MACROD2: variants seen among roughly 807,000 people sequenced by gnomAD.
The protein encoded by MACROD2 is mono-ADP ribosylhydrolase 2.
Under a neutral mutation model 70.4 loss-of-function variants are expected in MACROD2, and 36 were observed. The ratio of observed to expected loss-of-function variants is 0.51; its 90% confidence interval spans 0.39 to 0.68. MACROD2 has a LOEUF of 0.68. Ranked by LOEUF, MACROD2 falls within the 30% of genes least tolerant of loss-of-function variation. The probability of loss-of-function intolerance (pLI) is 0.00; values close to 1 mark genes in which losing one functional copy is unlikely to be tolerated. For missense variants in MACROD2, 496 were observed against 538.4 expected (o/e 0.92, Z 0.78); for synonymous variants, 172 against 178.8 (o/e 0.96, Z 0.30).
At chr20:15,868,074 G>T (rs905933693) in intron 9 of MACROD2, among the ~76,000 whole-genome samples, 2 of 152,192 alleles carry the variant, frequency 1.3e-5, no homozygotes, top group African/African-American at 4.8e-5. Flanking sequence ...AGCCTTAAAT[G>T]GCAATAGTGC....
chr20:15,366,435 TAAAGA>T (rs1485914019), intron 6 of MACROD2, among the ~76,000 whole-genome samples: 1 of 152,240 alleles, frequency 6.6e-6, no homozygotes, highest in Non-Finnish European at 1.5e-5. Context: ...CACATCTTTT[TAAAGA>T]AAAGAAATCA....
chr20:15,726,560 A>G (rs574587126), intron 8 of MACROD2, among the ~76,000 whole-genome samples: 1 of 152,136 alleles, frequency 6.6e-6, no homozygotes, highest in East Asian at 1.9e-4. Flanking sequence ...GTGTATAAGC[A>G]TTCTCTTTTT....
At chr20:14,185,784 G>T (rs1601325088) in intron 3 of MACROD2, among the ~76,000 whole-genome samples, 3 of 152,096 alleles carry the variant, frequency 2.0e-5, no homozygotes, top group Non-Finnish European at 4.4e-5. Flanking sequence ...CTTTGTAAAT[G>T]ATAACAATAA....
At chr20:15,560,064 C>T (rs2048220904) in intron 8 of MACROD2, among the ~76,000 whole-genome samples, 1 of 152,204 alleles carries the variant, frequency 6.6e-6, no homozygotes, top group African/African-American at 2.4e-5. Context: ...TCACTTTCTG[C>T]CTCAAATCTC....
rs1293101465 is a variant in MACROD2 at position 15,066,472 on chromosome 20, C to A, written c.419-163468C>A. On this transcript the variant is annotated intron_variant, in intron 5 of 17. Transcript: ENST00000684519. ...GCTTAAGACCTAAGCTCAGAATAGGCCCAATGTTACTGTTGCCTACATTCG... is the reference window on the plus strand; with the variant it reads ...GCTTAAGACCTAAGCTCAGAATAGGACCAATGTTACTGTTGCCTACATTCG... 4.6e-5 allele frequency among the ~76,000 whole-genome samples: 7 copies of A among 152,012 alleles called. No homozygotes were observed. The East Asian group carries it at 1.4e-3, about 29-fold the overall frequency.
At chr20:15,137,229 A>G (rs1447694667) in intron 5 of MACROD2, among the ~76,000 whole-genome samples, 3 of 151,672 alleles carry the variant, frequency 2.0e-5, no homozygotes, top group Admixed American at 6.6e-5. Flanking sequence ...AAAGGACTGT[A>G]AATCATGCTG....
chr20:14,816,186 G>A (rs975050746), intron 5 of MACROD2, among the ~76,000 whole-genome samples: 1 of 151,952 alleles, frequency 6.6e-6, no homozygotes, highest in Non-Finnish European at 1.5e-5. Flanking sequence ...GTTTGTTGCG[G>A]GGCAGAGGGA....
intron 5 of MACROD2, among the ~76,000 whole-genome samples, chr20:14,829,108 C>T (rs1201446828): frequency 6.6e-6 from 1 of 151,176 alleles, no homozygotes; most frequent in Non-Finnish European, 1.5e-5. Flanking sequence ...CTCCCCCGCC[C>T]CACAGTGTGT....
intron 8 of MACROD2, among the ~76,000 whole-genome samples, chr20:15,759,145 C>CAAAAAAAAAAAAA (rs57212358): frequency 1.7e-5 from 1 of 58,924 alleles, no homozygotes; most frequent in African/African-American, 6.9e-5. Context: ...GACTCCATCT[C>CAAAAAAAAAAAAA]AAAAAAAAAA....
chr20:15,360,828 G>A (rs6034162), intron 6 of MACROD2, among the ~76,000 whole-genome samples: 101,620 of 151,232 alleles, frequency 0.67, 34,761 homozygotes, highest in African/African-American at 0.81. Context: ...TTTTTTTTTC[G>A]TGTGTTTAAT....
rs762105732 is a variant in MACROD2 at position 15,343,748 on chromosome 20, T to C, written c.541-87657T>C. On this transcript the variant is annotated intron_variant, in intron 6 of 17. Transcript: ENST00000684519. The stretch of plus-strand genomic sequence containing the variant: ...TCATCCTTCCTAAAAGGACCTGAGA[T>C]TTTTATTCAAAGATTCCAGAATACC... 6.4e-4 allele frequency among the ~76,000 whole-genome samples: 98 copies of C among 152,206 alleles called. 1 individual carries two copies. The highest frequency in any genetic ancestry group is 1.1e-3 in the Non-Finnish European group (78 of 68,042).
intron 6 of MACROD2, among the ~76,000 whole-genome samples, chr20:15,379,928 C>CA (rs2045617971): frequency 6.6e-6 from 1 of 151,874 alleles, no homozygotes; most frequent in Admixed American, 6.5e-5. Context: ...TATTGTGAAC[C>CA]TAACTTTCTG....
intron 3 of MACROD2, among the ~76,000 whole-genome samples, chr20:14,122,571 G>A (rs2148693346): frequency 6.6e-6 from 1 of 152,224 alleles, no homozygotes; most frequent in East Asian, 1.9e-4. Context: ...TCCCAAGGAG[G>A]ATCTGATTAA....
intron 4 of MACROD2, among the ~76,000 whole-genome samples, chr20:14,634,212 A>T (rs992773228): frequency 3.3e-5 from 5 of 152,122 alleles, no homozygotes; most frequent in Non-Finnish European, 4.4e-5. Flanking sequence ...TCCCTCTCTC[A>T]TTTCTAAGTA....
chr20:15,050,533 CTTTTTTTT>C (rs386393390), intron 5 of MACROD2, among the ~76,000 whole-genome samples: 33 of 77,896 alleles, frequency 4.2e-4, no homozygotes, highest in East Asian at 2.8e-3. Flanking sequence ...CTATTTAGGT[CTTTTTTTT>C]TTTTTTTTTT....
chr20:14,604,821 T>A (rs1372722123), intron 4 of MACROD2, among the ~76,000 whole-genome samples: 1 of 152,162 alleles, frequency 6.6e-6, no homozygotes, highest in Non-Finnish European at 1.5e-5. Flanking sequence ...TCTCGCTTCT[T>A]CAAGGAAGAA....
intron 8 of MACROD2, among the ~76,000 whole-genome samples, chr20:15,614,771 T>C (rs1475545822): frequency 1.3e-5 from 2 of 152,152 alleles, no homozygotes; most frequent in Admixed American, 1.3e-4. Context: ...ATACTCTTGG[T>C]TTTGATAACA....
chr20:15,664,923 A>G (rs529162133), intron 8 of MACROD2, among the ~76,000 whole-genome samples: 12 of 152,262 alleles, frequency 7.9e-5, no homozygotes, highest in Middle Eastern at 3.4e-3. Context: ...AGTGGTGAAT[A>G]ATTGCTGGGC....
At chr20:15,053,956 G>T (rs2075463029) in intron 5 of MACROD2, among the ~76,000 whole-genome samples, 1 of 152,196 alleles carries the variant, frequency 6.6e-6, no homozygotes, top group Admixed American at 6.5e-5. Context: ...AAGTTTAAGA[G>T]TTCAGTGGAG....
Sources: allele counts gnomAD v4.1 joint callset (sites outside exome capture counted in the v4.1 genomes callset), GRCh38; gene constraint gnomAD v4.1.1; transcripts MANE v1.5; gene names NCBI Gene and HGNC (gene_info 2026-07-23, HGNC 2026-07-21).